The following IGFBP4 variants were observed in gnomAD, a reference collection of about 807,000 sequenced individuals.
IGFBP4 encodes insulin like growth factor binding protein 4.
IGFBP4 carries 9 observed loss-of-function variants against 25.8 expected under a neutral mutation model. That is an observed-to-expected ratio of 0.35 (90% CI 0.21 to 0.61). The LOEUF (loss-of-function observed/expected upper bound fraction) is 0.61, where lower values mean the gene tolerates loss of function less well. Among genes scored for constraint, IGFBP4 ranks in the 20% least tolerant of loss-of-function variants. The probability of loss-of-function intolerance (pLI) is 0.77; values close to 1 mark genes in which losing one functional copy is unlikely to be tolerated. For missense variants in IGFBP4, 315 were observed against 365.3 expected, an observed-to-expected ratio of 0.86 and a Z score of 1.12; for synonymous variants, 153 against 153.9, an observed-to-expected ratio of 0.99 and a Z score of 0.05.
At chr17:40,449,076 G>A (rs984600633) in intron 1 of IGFBP4, among the ~76,000 whole-genome samples, 4 of 152,164 alleles carry the variant, frequency 2.6e-5, no homozygotes, top group Non-Finnish European at 5.9e-5. Flanking sequence ...ATGAACTGGG[G>A]ATAAGTAGGA....
intron 1 of IGFBP4, among the ~76,000 whole-genome samples, chr17:40,446,077 G>C (rs536331102): frequency 6.7e-6 from 1 of 149,696 alleles, no homozygotes; most frequent in African/African-American, 2.5e-5. Context: ...GGGTGTGGAG[G>C]TTCATGCTTG....
In IGFBP4 at chr17:40,456,439, C is replaced by T. The variant is rs372449907; in HGVS notation, c.643-10C>T. 132 of 1,613,944 alleles carry T rather than the reference C, an allele frequency of 8.2e-5. No homozygotes were observed. In the Middle Eastern group the frequency reaches 8.2e-4, roughly 10 times the overall value. ...GTCGGAACTGACCCCTCATGTCCTT[C>T]TCTTGGCAGTGTCACCCAGCTCTGG... On this transcript the variant is annotated splice_polypyrimidine_tract_variant and intron_variant, in intron 3 of 3. Transcript: ENST00000269593.
At chr17:40,448,438 G>A (rs2035663416) in intron 1 of IGFBP4, among the ~76,000 whole-genome samples, 1 of 152,218 alleles carries the variant, frequency 6.6e-6, no homozygotes, top group Non-Finnish European at 1.5e-5. Context: ...CGCTGTAGGA[G>A]GACCAAGCCT....
In IGFBP4 at chr17:40,451,048, C is replaced by T. The variant is rs150453187; in HGVS notation, c.350-1937C>T. ...CCCAGATCTTTCTCTGGTTCCTAAC[C>T]GAGGGCTCAGGATCCATCTCCTTAT... On this transcript the variant is annotated intron_variant, in intron 1 of 3. Coordinates refer to ENST00000269593, the MANE Select transcript of IGFBP4 (RefSeq NM_001552.3). Among the ~76,000 whole-genome samples the T allele has an allele frequency of 2.1e-3, 316 of 152,216 alleles. 2 individuals are homozygous for T. The highest frequency in any genetic ancestry group is 3.5e-3 in the Non-Finnish European group (236 of 68,008).
chr17:40,448,583 G>A (rs2035664374), intron 1 of IGFBP4, among the ~76,000 whole-genome samples: 1 of 152,242 alleles, frequency 6.6e-6, no homozygotes, highest in East Asian at 1.9e-4. Context: ...AGGATGAGTA[G>A]CACCAGGTGG....
At chr17:40,444,922 CACACAGAGACAGAGAGAGAGAGAGAG>C (rs1280028608) in intron 1 of IGFBP4, among the ~76,000 whole-genome samples, 24 of 84,138 alleles carry the variant, frequency 2.9e-4, no homozygotes, top group Non-Finnish European at 4.1e-4. Context: ...CACACACACA[CACACAGAGACAGAGAGAGAGAGAGAG>C]AGAGAGAGAG....
rs901657483 is a variant in IGFBP4 at position 40,456,936 on chromosome 17, T to G, written c.*353T>G. 1.5e-4 allele frequency: 39 copies of G among 261,900 alleles called. No individual in the cohort carries two copies. The highest frequency in any genetic ancestry group is 8.1e-4 in the African/African-American group (36 of 44,396). The allele number at this position is 261,900 out of a possible 1,614,324, so 16.2% of individuals were successfully genotyped here. ...CACTCATCCAGCCACCTAAAAACATTTACTGACCATGTACTACGTGCCAGC... is the reference window on the plus strand; with the variant it reads ...CACTCATCCAGCCACCTAAAAACATGTACTGACCATGTACTACGTGCCAGC... On this transcript the variant is annotated 3_prime_UTR_variant, in exon 4 of 4. Transcript: ENST00000269593.
chr17:40,444,924 CACAGAG>C (rs1330199726), intron 1 of IGFBP4, among the ~76,000 whole-genome samples: 78 of 96,114 alleles, frequency 8.1e-4, no homozygotes, highest in African/African-American at 1.3e-3. Context: ...CACACACACA[CACAGAG>C]ACAGAGAGAG....
rs1296982612 is a variant in IGFBP4 at position 40,452,997 on chromosome 17, G to T, written c.362G>T (p.Gly121Val). 3 of 1,553,962 alleles carry T rather than the reference G, an allele frequency of 1.9e-6. No individual in the cohort carries two copies. Among genetic ancestry groups the T allele is most frequent in the East Asian group, 4.9e-5 (2 of 40,502 alleles). ...TACCTGAATACAGACAAGGACGAGG[G>T]TGACCACCCCAACAACAGCTTCAGC... ...ESLQPSDKDE[G>V]DHPNNSFSPC... The change falls in exon 2 of 4, where the codon GGT becomes GTT. Residue 121 changes from glycine (G) to valine (V), a missense_variant. Physicochemically the swap from Gly to Val is moderately radical, Grantham distance 109 (BLOSUM62 -3). Coordinates refer to ENST00000269593, the MANE Select transcript of IGFBP4 (RefSeq NM_001552.3).
intron 1 of IGFBP4, among the ~76,000 whole-genome samples, chr17:40,450,098 C>G (rs2035673919): frequency 6.6e-6 from 1 of 152,082 alleles, no homozygotes; most frequent in African/African-American, 2.4e-5. Context: ...GCCTCGACCT[C>G]CTGGGTTCAG....
In IGFBP4 at chr17:40,456,744, T is replaced by C. The variant is rs540656217; in HGVS notation, c.*161T>C. 3.7e-5 allele frequency: 24 copies of C among 656,396 alleles called. No individual in the cohort carries two copies. Among genetic ancestry groups the C allele is most frequent in the South Asian group, 2.2e-4 (11 of 50,960 alleles). The allele number at this position is 656,396 out of a possible 1,614,324, so 40.7% of individuals were successfully genotyped here. ...GTGCACGTGTGCGTGTGCGTGCGTG[T>C]GTGTGTGTTTGTGAGCATGGGTGTG... On this transcript the variant is annotated 3_prime_UTR_variant, in exon 4 of 4. Transcript: ENST00000269593.
chr17:40,452,734 TCTGAGCGCTGGC>T (rs1185211214), intron 1 of IGFBP4, among the ~76,000 whole-genome samples: 3 of 152,046 alleles, frequency 2.0e-5, no homozygotes, highest in African/African-American at 7.2e-5. Context: ...TGGTGACTCA[TCTGAGCGCTGGC>T]CTGAGTGGGG....
chr17:40,448,348 C>T (rs535737049), intron 1 of IGFBP4, among the ~76,000 whole-genome samples: 6 of 152,382 alleles, frequency 3.9e-5, no homozygotes, highest in African/African-American at 1.4e-4. Flanking sequence ...TTCTCTGGCG[C>T]CTTCCCTTCC....
chr17:40,452,641 G>A (rs2035690548), intron 1 of IGFBP4, among the ~76,000 whole-genome samples: 1 of 152,138 alleles, frequency 6.6e-6, no homozygotes, highest in African/African-American at 2.4e-5. Context: ...AAAGGGGACA[G>A]GATCCAGCAG....
chr17:40,452,114 AG>A (rs1341932466), intron 1 of IGFBP4, among the ~76,000 whole-genome samples: 1 of 152,206 alleles, frequency 6.6e-6, no homozygotes, highest in East Asian at 1.9e-4. Context: ...TTGGGATTAC[AG>A]GCATGAGCCA....
At chr17:40,445,170 A>T (rs1050876475) in intron 1 of IGFBP4, among the ~76,000 whole-genome samples, 2 of 151,942 alleles carry the variant, frequency 1.3e-5, no homozygotes, top group Admixed American at 1.3e-4. Flanking sequence ...TCTTCTGCCC[A>T]TCGTGCGTTT....
At chr17:40,450,184 G>A (rs956932988) in intron 1 of IGFBP4, among the ~76,000 whole-genome samples, 5 of 152,114 alleles carry the variant, frequency 3.3e-5, no homozygotes, top group African/African-American at 4.8e-5. Context: ...ATTTTTTGTA[G>A]AGATAGGGTT....
At position 40,452,708 on chromosome 17, in the gene IGFBP4, T is replaced by C. The variant is rs577366041; in HGVS notation, c.350-277T>C. Among the ~76,000 whole-genome samples, 6 of 152,182 alleles carry C rather than the reference T, an allele frequency of 3.9e-5. No homozygotes were observed. The East Asian group carries it at 1.2e-3, about 30-fold the overall frequency. On this transcript the variant is annotated intron_variant, in intron 1 of 3. Transcript: ENST00000269593. The stretch of plus-strand genomic sequence containing the variant: ...CAGGGCCCAGGGGACCCTCCTGCCA[T>C]CTGGGCAGCTGCAGCTGGTGACTCA...
intron 1 of IGFBP4, among the ~76,000 whole-genome samples, chr17:40,447,145 C>T (rs754653908): frequency 6.6e-5 from 10 of 152,168 alleles, no homozygotes; most frequent in Admixed American, 6.5e-5. Flanking sequence ...ACTTGGCATG[C>T]CCCCTTCTTT....
Sources: allele counts gnomAD v4.1 joint callset (sites outside exome capture counted in the v4.1 genomes callset), GRCh38; gene constraint gnomAD v4.1.1; transcripts MANE v1.5; gene names NCBI Gene and HGNC (gene_info 2026-07-23, HGNC 2026-07-21).